The following SPSB4 variants were observed in gnomAD, a reference collection of about 807,000 sequenced individuals.
The protein encoded by SPSB4 is SPRY domain-containing SOCS box protein 4.
A neutral mutation model predicts 20.9 loss-of-function variants in SPSB4; 21 were observed. The observed-to-expected ratio is 1.01, with a 90% CI of 0.71 to 1.45. The LOEUF (loss-of-function observed/expected upper bound fraction) is 1.45. SPSB4 is among the 40% of genes most tolerant of loss of function. SPSB4 has a pLI of 0.00. For synonymous variants in SPSB4, 207 were observed against 183.8 expected (o/e 1.13, Z -1.02); for missense variants, 399 against 399.2 (o/e 1.00, Z 0.00).
chr3:141,147,233 G>T lies in SPSB4; in HGVS notation c.786G>T (p.Leu262=), dbSNP rs1457235000. The change falls in exon 3 of 3, where the codon CTG becomes CTT. Residue 262 remains leucine, a synonymous_variant. Coordinates refer to ENST00000310546, the MANE Select transcript of SPSB4 (RefSeq NM_080862.3). ...QRLQDISSLP[L]PQSLKNYLQY... is the part of the protein sequence containing the mutation. ...TGCAGGACATCAGCTCCCTGCCCCT[G>T]CCTCAGTCTCTCAAAAACTATCTGC... The T allele has an allele frequency of 3.7e-6, 6 of 1,614,104 alleles. No homozygotes were observed. The highest frequency in any genetic ancestry group is 3.3e-5 in the Admixed American group (2 of 60,006).
chr3:141,131,841 T>C (rs937780299), intron 2 of SPSB4, among the ~76,000 whole-genome samples: 6 of 152,198 alleles, frequency 3.9e-5, no homozygotes, highest in African/African-American at 1.4e-4. Context: ...CTGTTAGGTG[T>C]TTACCCAGGA....
chr3:141,094,841 T>C (rs1461597530), intron 2 of SPSB4, among the ~76,000 whole-genome samples: 1 of 137,866 alleles, frequency 7.3e-6, no homozygotes, highest in Non-Finnish European at 1.5e-5. Context: ...GTACACATTC[T>C]CCAGCCCCCT....
intron 2 of SPSB4, among the ~76,000 whole-genome samples, chr3:141,109,761 A>AGGGCCTTCCATCAAAAAG (rs1938762642): frequency 1.3e-5 from 2 of 152,102 alleles, no homozygotes; most frequent in South Asian, 4.2e-4. Flanking sequence ...CATGGCAACA[A>AGGGCCTTCCATCAAAAAG]GGGCCTTCCA....
intron 2 of SPSB4, among the ~76,000 whole-genome samples, chr3:141,083,360 C>A (rs577954022): frequency 7.7e-4 from 118 of 152,288 alleles, no homozygotes; most frequent in Non-Finnish European, 1.4e-3. Flanking sequence ...GCCACCCCCC[C>A]ACCCTCTGTA....
At chr3:141,055,114 A>G (rs1937616601) in intron 1 of SPSB4, among the ~76,000 whole-genome samples, 1 of 152,262 alleles carries the variant, frequency 6.6e-6, no homozygotes, top group South Asian at 2.1e-4. Context: ...CACTGGCTCC[A>G]TTAAGAAATG....
chr3:141,066,648 G>C lies in SPSB4; in HGVS notation c.544G>C (p.Asp182His). ...GCCCGACTCGCTGCTCGTGGTGCTGGACATGGATGAGGGCACACTCAGCTT... is the reference window on the plus strand; with the variant it reads ...GCCCGACTCGCTGCTCGTGGTGCTGCACATGGATGAGGGCACACTCAGCTT... The part of the protein sequence containing the change: ...ALPDSLLVVL[D>H]MDEGTLSFIV... The change falls in exon 2 of 3, where the codon GAC becomes CAC. Residue 182 changes from aspartate (D) to histidine (H), a missense_variant. Coordinates refer to ENST00000310546, the MANE Select transcript of SPSB4 (RefSeq NM_080862.3). The C allele has an allele frequency of 6.2e-7, 1 of 1,612,806 alleles. No individual in the cohort carries two copies. The highest frequency in any genetic ancestry group is 8.5e-7 in the Non-Finnish European group (1 of 1,179,598).
chr3:141,058,457 G>A (rs1937699181), intron 1 of SPSB4, among the ~76,000 whole-genome samples: 1 of 152,230 alleles, frequency 6.6e-6, no homozygotes, highest in African/African-American at 2.4e-5. Context: ...GGGGAAAAGT[G>A]ACGGAGGCAT....
chr3:141,076,697 A>G (rs1938117063), intron 2 of SPSB4, among the ~76,000 whole-genome samples: 1 of 152,172 alleles, frequency 6.6e-6, no homozygotes, highest in Non-Finnish European at 1.5e-5. Flanking sequence ...GGCCTACTCC[A>G]GCACCCACAC....
chr3:141,135,443 C>A (rs1029785405), intron 2 of SPSB4, among the ~76,000 whole-genome samples: 1 of 151,540 alleles, frequency 6.6e-6, no homozygotes, highest in Non-Finnish European at 1.5e-5. Context: ...TGTGCTGCAC[C>A]CATTAACTCA....
chr3:141,082,510 C>T (rs2107787411), intron 2 of SPSB4, among the ~76,000 whole-genome samples: 1 of 152,318 alleles, frequency 6.6e-6, no homozygotes, highest in African/African-American at 2.4e-5. Context: ...TTGAGCCCTG[C>T]CAGATAAACT....
intron 2 of SPSB4, among the ~76,000 whole-genome samples, chr3:141,121,732 A>C (rs561303291): frequency 6.6e-6 from 1 of 152,184 alleles, no homozygotes; most frequent in Non-Finnish European, 1.5e-5. Flanking sequence ...CATGTGTCAC[A>C]AAGTTCTTGT....
rs947884636 is a variant in SPSB4 at position 141,051,863 on chromosome 3, G to C, written c.-283G>C. ...GGACGCGCCCCTGGCCGTGCGGAGAGAGCCGGCATTTGCGGGTCACTCGGG... is the reference window on the plus strand; with the variant it reads ...GGACGCGCCCCTGGCCGTGCGGAGACAGCCGGCATTTGCGGGTCACTCGGG... On this transcript the variant is annotated 5_prime_UTR_variant, in exon 1 of 3. Transcript: ENST00000310546. 2.0e-5 allele frequency: 3 copies of C among 152,144 alleles called. No homozygotes were observed. The highest frequency in any genetic ancestry group is 2.9e-5 in the Non-Finnish European group (2 of 68,088). The allele number at this position is 152,144 out of a possible 1,614,324, so 9.4% of individuals were successfully genotyped here. A position where few individuals can be genotyped will look rare whatever the true frequency, so the allele number is the denominator to read the frequency against.
chr3:141,083,654 T>C (rs1023729221), intron 2 of SPSB4, among the ~76,000 whole-genome samples: 1 of 152,066 alleles, frequency 6.6e-6, no homozygotes, highest in Non-Finnish European at 1.5e-5. Flanking sequence ...GGCCCACTTC[T>C]CCACCTGTCT....
intron 2 of SPSB4, among the ~76,000 whole-genome samples, chr3:141,110,470 T>A (rs528283652): frequency 1.3e-5 from 2 of 152,304 alleles, no homozygotes; most frequent in African/African-American, 4.8e-5. Flanking sequence ...CACAACTTGT[T>A]TTATAGAGAA....
intron 2 of SPSB4, among the ~76,000 whole-genome samples, chr3:141,128,001 G>A (rs565506579): frequency 3.4e-4 from 52 of 152,312 alleles, no homozygotes; most frequent in African/African-American, 1.1e-3. Flanking sequence ...CTTGGTTCCT[G>A]GGAATAGTGA....
At position 141,097,927 on chromosome 3, in the gene SPSB4, C is replaced by A. The variant is rs966067410; in HGVS notation, c.694+31129C>A. On this transcript the variant is annotated intron_variant, in intron 2 of 2. Transcript: ENST00000310546. The stretch of plus-strand genomic sequence containing the variant: ...GTTCCTAGTCTGAGCAGTTTACATA[C>A]ATTACCTTACTTAATTCCCGCAGTA... Among the ~76,000 whole-genome samples the A allele has an allele frequency of 3.3e-5, 5 of 152,296 alleles. No individual in the cohort carries two copies. In the East Asian group the frequency reaches 5.8e-4, roughly 18 times the overall value.
chr3:141,137,547 G>T (rs572446492), intron 2 of SPSB4, among the ~76,000 whole-genome samples: 12 of 152,306 alleles, frequency 7.9e-5, no homozygotes, highest in South Asian at 4.1e-4. Flanking sequence ...AGCATGAATG[G>T]TTGTTGAATT....
chr3:141,116,606 C>G (rs1052938544), intron 2 of SPSB4, among the ~76,000 whole-genome samples: 1 of 152,232 alleles, frequency 6.6e-6, no homozygotes, highest in Non-Finnish European at 1.5e-5. Context: ...AAGTGCCTAT[C>G]CTCTCAACTG....
intron 2 of SPSB4, among the ~76,000 whole-genome samples, chr3:141,133,936 T>C (rs1939179149): frequency 6.6e-6 from 1 of 152,026 alleles, no homozygotes. Flanking sequence ...GTGTCATCTA[T>C]GAATTCTTTC....
Sources: allele counts gnomAD v4.1 joint callset (sites outside exome capture counted in the v4.1 genomes callset), GRCh38; gene constraint gnomAD v4.1.1; transcripts MANE v1.5; gene names NCBI Gene and HGNC (gene_info 2026-07-23, HGNC 2026-07-21).